MRPS5: variants seen among roughly 807,000 people sequenced by gnomAD.
The protein encoded by MRPS5 is mitochondrial ribosomal protein S5.
A neutral mutation model predicts 51.9 loss-of-function variants in MRPS5; 27 were observed. The observed-to-expected ratio is 0.52, with a 90% CI of 0.38 to 0.72. The LOEUF (loss-of-function observed/expected upper bound fraction) is 0.72. Ranked by LOEUF, MRPS5 falls within the 30% of genes least tolerant of loss-of-function variation. The probability of loss-of-function intolerance (pLI) is 0.00; values close to 1 mark genes in which losing one functional copy is unlikely to be tolerated. For missense variants in MRPS5, 570 were observed against 545.7 expected, an observed-to-expected ratio of 1.04 and a Z score of -0.44; for synonymous variants, 196 against 193.2, an observed-to-expected ratio of 1.01 and a Z score of -0.12.
chr2:95,104,646 C>T lies in MRPS5; in HGVS notation c.757G>A (p.Ala253Thr), dbSNP rs762256020. The T allele has an allele frequency of 6.2e-7, 1 of 1,614,162 alleles. No individual in the cohort carries two copies. ...VLVAVGNGKGAAGFSIGKATD... is the reference protein window; with the variant it reads ...VLVAVGNGKGTAGFSIGKATD... ...GCCATCACTCCCCATTCACCTGCAG[C>T]TCCTTTTCCGTTCCCCACAGCCACC... Residue 253 changes from alanine to threonine, a missense_variant, in exon 7 of 12, where the codon GCT becomes ACT. Physicochemically the swap from Ala to Thr is moderately conservative, Grantham distance 58. Coordinates refer to ENST00000272418, the MANE Select transcript of MRPS5 (RefSeq NM_031902.5).
At chr2:95,096,945 G>A (rs1422488296) in intron 10 of MRPS5, among the ~76,000 whole-genome samples, 6 of 152,100 alleles carry the variant, frequency 3.9e-5, no homozygotes, top group East Asian at 1.9e-4. Context: ...AAACCCCATC[G>A]TCTCAGCCCA....
intron 10 of MRPS5, 48 bp from the exon 11 acceptor site, chr2:95,090,570 G>A (rs771510647): frequency 1.9e-5 from 30 of 1,610,030 alleles, no homozygotes; most frequent in African/African-American, 8.0e-5. Flanking sequence ...GCCTGCAGCC[G>A]GAGGAGTCAC....
intron 3 of MRPS5, among the ~76,000 whole-genome samples, chr2:95,112,861 C>T (rs561744327): frequency 4.5e-4 from 69 of 151,686 alleles, no homozygotes; most frequent in African/African-American, 1.7e-3. Flanking sequence ...AAAAATTAGC[C>T]GGGCGTGGTG....
At chr2:95,090,575 A>G in intron 10 of MRPS5, 53 bp from the exon 11 acceptor site, 2 of 1,608,786 alleles carry the variant, frequency 1.2e-6, no homozygotes, top group South Asian at 1.1e-5. Context: ...CAGCCGGAGG[A>G]GTCACCCTGC....
chr2:95,117,872 G>A lies in MRPS5; in HGVS notation c.132C>T (p.Leu44=), dbSNP rs769812004. 6.8e-6 allele frequency: 11 copies of A among 1,606,286 alleles called. No individual in the cohort carries two copies. Among genetic ancestry groups the A allele is most frequent in the East Asian group, 2.2e-5 (1 of 44,688 alleles). Residue 44 remains leucine (L), a synonymous_variant, in exon 2 of 12, where the codon CTC becomes CTT. Transcript: ENST00000272418. The stretch of plus-strand genomic sequence containing the variant: ...AGCATTAATGAATCTCACCATTGCC[G>A]AGAACACTCTTCCATGCCAAAATGG... ...AASILAWKSV[L]GNGHLSSLGT... is the part of the protein sequence containing the mutation.
chr2:95,092,542 T>TA (rs1675498627), intron 10 of MRPS5: 1 of 152,226 alleles, frequency 6.6e-6, no homozygotes, highest in African/African-American at 2.4e-5. Context: ...AAAATGTCTA[T>TA]AAATGTGTAT....
chr2:95,100,584 A>C, intron 9 of MRPS5, 48 bp from the exon 10 acceptor site: 2 of 1,414,338 alleles, frequency 1.4e-6, no homozygotes, highest in Non-Finnish European at 2.0e-6. Flanking sequence ...TGTGGCTTTA[A>C]TAAGCCTTTG....
At chr2:95,114,145 G>T (rs1411677699) in intron 3 of MRPS5, among the ~76,000 whole-genome samples, 1 of 141,186 alleles carries the variant, frequency 7.1e-6, no homozygotes. Context: ...AAAAAAAAAA[G>T]GCAGCAAACT....
rs756867223 is a variant in MRPS5 at position 95,108,217 on chromosome 2, C to T, written c.595G>A (p.Gly199Arg). The stretch of plus-strand genomic sequence containing the variant: ...TCAGGGGGGCCAAGACTGATGCCTC[C>T]CCATGAGTTTCCACTCCATCCTCGC... ...RERGWSGNSW[G>R]GISLGPPDPG... The change falls in exon 5 of 12, where the codon GGA (glycine) becomes AGA (arginine). Residue 199 changes from glycine to arginine, a missense_variant. Transcript: ENST00000272418. 1.2e-6 allele frequency: 2 copies of T among 1,614,014 alleles called. No individual in the cohort carries two copies. The highest frequency in any genetic ancestry group is 1.7e-6 in the Non-Finnish European group (2 of 1,180,036).
At chr2:95,096,893 C>A (rs1675642770) in intron 10 of MRPS5, among the ~76,000 whole-genome samples, 3 of 152,158 alleles carry the variant, frequency 2.0e-5, no homozygotes, top group Admixed American at 2.0e-4. Context: ...AAGAGGAAGT[C>A]AAATTGTCCC....
Position 95,086,266 on chromosome 2 carries a change from C to T in MRPS5, c.*1091G>A, listed in dbSNP as rs1464575661. ...GCCACCATAAAAATGCTTCAGTGAG[C>T]AATTATAAACACTCTTGAAGCCATT... On this transcript the variant is annotated 3_prime_UTR_variant, in exon 12 of 12. Transcript: ENST00000272418. Among the ~76,000 whole-genome samples the T allele has an allele frequency of 2.6e-5, 4 of 151,298 alleles. No individual in the cohort carries two copies. The highest frequency in any genetic ancestry group is 6.6e-5 in the Admixed American group (1 of 15,148).
intron 2 of MRPS5, among the ~76,000 whole-genome samples, chr2:95,116,889 C>T (rs1462848906): frequency 2.6e-5 from 4 of 151,626 alleles, no homozygotes; most frequent in East Asian, 3.9e-4. Flanking sequence ...GCCTATAATC[C>T]GAGCACTTTG....
At chr2:95,108,079 G>T in intron 5 of MRPS5, 96 bp downstream of exon 5, 1 of 996,028 alleles carries the variant, frequency 1.0e-6, no homozygotes, top group Non-Finnish European at 1.5e-6. Flanking sequence ...TTGGAAAAAG[G>T]TAGTATAAAC....
intron 11 of MRPS5, among the ~76,000 whole-genome samples, chr2:95,087,854 C>T (rs1361186655): frequency 3.3e-5 from 5 of 152,126 alleles, no homozygotes. Context: ...GATTATGCAC[C>T]ATGCTGTGCC....
intron 7 of MRPS5, chr2:95,102,043 C>T (rs1262747686): frequency 4.4e-6 from 1 of 228,822 alleles, no homozygotes; most frequent in African/African-American, 2.3e-5. Context: ...GACTGTGGTC[C>T]CAACTACTCA....
chr2:95,090,171 C>T (rs1176395906), intron 11 of MRPS5, among the ~76,000 whole-genome samples: 1 of 125,014 alleles, frequency 8.0e-6, no homozygotes, highest in African/African-American at 3.2e-5. Context: ...AGCGAGACTC[C>T]GTCTCAAAAA....
intron 6 of MRPS5, 45 bp downstream of exon 6, chr2:95,106,378 A>ACCAC: frequency 1.9e-6 from 1 of 514,258 alleles, no homozygotes; most frequent in Non-Finnish European, 3.6e-6. Context: ...CACCCACCCC[A>ACCAC]ACCTCTCCAA....
At chr2:95,111,474 A>G (rs759641574) in intron 3 of MRPS5, among the ~76,000 whole-genome samples, 19 of 152,228 alleles carry the variant, frequency 1.2e-4, no homozygotes, top group Non-Finnish European at 1.9e-4. Context: ...AGAACTTGAC[A>G]TTGAGACAAA....
chr2:95,107,249 C>T (rs1359175090), intron 5 of MRPS5, among the ~76,000 whole-genome samples: 11 of 152,182 alleles, frequency 7.2e-5, no homozygotes, highest in East Asian at 5.8e-4. Flanking sequence ...TCTACCTTTT[C>T]GTAAAGAAAT....
Sources: gnomAD v4.1 joint callset for allele counts (sites outside exome capture counted in the v4.1 genomes callset) on GRCh38, gnomAD v4.1.1 for gene constraint, MANE v1.5 for transcripts, NCBI Gene and HGNC (gene_info 2026-07-23, HGNC 2026-07-21) for gene names.